The following ZCCHC7 variants were observed in gnomAD, a reference collection of about 807,000 sequenced individuals.
The protein encoded by ZCCHC7 is zinc finger CCHC-type containing 7, also known as zinc finger CCHC domain-containing protein 7.
A neutral mutation model predicts 52.0 loss-of-function variants in ZCCHC7; 35 were observed. The observed-to-expected ratio is 0.67, with a 90% confidence interval of 0.51 to 0.89. The LOEUF (loss-of-function observed/expected upper bound fraction) is 0.89, where lower values mean the gene tolerates loss of function less well. Among genes scored for constraint, ZCCHC7 ranks in the 40% least tolerant of loss-of-function variants. ZCCHC7 has a pLI of 0.00. For missense variants in ZCCHC7, 574 were observed against 649.1 expected (o/e 0.88, Z 1.26); for synonymous variants, 217 against 221.5 (o/e 0.98, Z 0.18).
intron 6 of ZCCHC7, among the ~76,000 whole-genome samples, chr9:37,328,240 A>C (rs1830327155): frequency 6.6e-6 from 1 of 152,020 alleles, no homozygotes; most frequent in Admixed American, 6.6e-5. Context: ...AGTTACTGAT[A>C]TTTTTCAATG....
At chr9:37,182,490 G>C (rs1822415925) in intron 2 of ZCCHC7, among the ~76,000 whole-genome samples, 1 of 151,758 alleles carries the variant, frequency 6.6e-6, no homozygotes, top group African/African-American at 2.4e-5. Context: ...TCAGCCTCTT[G>C]AGTAGCCAGG....
chr9:37,263,265 T>A (rs1342677828), intron 2 of ZCCHC7, among the ~76,000 whole-genome samples: 2 of 152,178 alleles, frequency 1.3e-5, no homozygotes, highest in East Asian at 3.8e-4. Flanking sequence ...TCTTACTTTC[T>A]TGTTGAAAGT....
At chr9:37,216,827 A>G (rs563643959) in intron 2 of ZCCHC7, among the ~76,000 whole-genome samples, 51 of 152,286 alleles carry the variant, frequency 3.3e-4, no homozygotes, top group Middle Eastern at 3.4e-3. Context: ...TGTAGTATGC[A>G]TTTGATTTTA....
chr9:37,165,253 G>A (rs572070605), intron 2 of ZCCHC7, among the ~76,000 whole-genome samples: 59 of 151,158 alleles, frequency 3.9e-4, no homozygotes, highest in African/African-American at 1.3e-3. Context: ...TTTTTAAGTT[G>A]TGGAACTTAT....
chr9:37,292,370 G>A (rs1828581213), intron 2 of ZCCHC7, among the ~76,000 whole-genome samples: 1 of 152,100 alleles, frequency 6.6e-6, no homozygotes, highest in African/African-American at 2.4e-5. Flanking sequence ...ACTGGTGGCT[G>A]GTAGGGTAGT....
chr9:37,350,603 C>G (rs987489904), intron 7 of ZCCHC7, among the ~76,000 whole-genome samples: 1 of 152,230 alleles, frequency 6.6e-6, no homozygotes, highest in Non-Finnish European at 1.5e-5. Context: ...CCAACATATT[C>G]CCTAACCCCA....
At chr9:37,186,895 C>T (rs1474702112) in intron 2 of ZCCHC7, 3 of 337,630 alleles carry the variant, frequency 8.9e-6, no homozygotes, top group Non-Finnish European at 1.7e-5. Context: ...GAAACAATCT[C>T]TTCTAATTTG....
intron 8 of ZCCHC7, among the ~76,000 whole-genome samples, chr9:37,355,792 G>A (rs1821664261): frequency 6.6e-6 from 1 of 152,200 alleles, no homozygotes; most frequent in Non-Finnish European, 1.5e-5. Context: ...CCACATTTAA[G>A]TGGACCCACG....
At position 37,126,508 on chromosome 9, in the gene ZCCHC7, CTG is replaced by C. The variant is rs1402484177; in HGVS notation, c.177_178del (p.Gly60GlufsTer7). 8.1e-6 allele frequency: 13 copies of C among 1,613,642 alleles called. No individual in the cohort carries two copies. Among genetic ancestry groups the C allele is most frequent in the African/African-American group, 2.7e-5 (2 of 74,896 alleles). The stretch of plus-strand genomic sequence containing the variant: ...GAGGAAGAGCATGAAGAAAAGAACT[CTG>C]GGAATTCGGAATCTTCGAGTAGTAA... On this transcript the variant is annotated frameshift_variant, in exon 2 of 9. Coordinates refer to ENST00000336755, the MANE Select transcript of ZCCHC7 (RefSeq NM_032226.3). LOFTEE classifies it high-confidence loss of function.
chr9:37,338,086 C>T (rs955881955), intron 6 of ZCCHC7, among the ~76,000 whole-genome samples: 1 of 152,150 alleles, frequency 6.6e-6, no homozygotes, highest in Non-Finnish European at 1.5e-5. Context: ...TTGGAGCATT[C>T]AGGAAGTGAA....
intron 2 of ZCCHC7, among the ~76,000 whole-genome samples, chr9:37,178,141 A>G (rs1822148001): frequency 6.6e-6 from 1 of 152,192 alleles, no homozygotes; most frequent in Admixed American, 6.5e-5. Context: ...CCTAGCCAGT[A>G]ATGGTGCCTT....
intron 2 of ZCCHC7, chr9:37,186,823 G>T (rs982345421): frequency 1.5e-5 from 6 of 398,782 alleles, no homozygotes; most frequent in African/African-American, 4.1e-5. Context: ...CTTTTTCAAA[G>T]AATTTGTTTC....
At chr9:37,140,786 CTG>C (rs1447509008) in intron 2 of ZCCHC7, among the ~76,000 whole-genome samples, 2 of 151,966 alleles carry the variant, frequency 1.3e-5, no homozygotes, top group African/African-American at 2.4e-5. Context: ...CAATTCAACT[CTG>C]TGATTGTGCC....
At chr9:37,249,510 C>T (rs1040984770) in intron 2 of ZCCHC7, among the ~76,000 whole-genome samples, 1 of 142,588 alleles carries the variant, frequency 7.0e-6, no homozygotes, top group African/African-American at 2.6e-5. Flanking sequence ...CTTGCCCTGT[C>T]GCCACGCTGG....
intron 2 of ZCCHC7, among the ~76,000 whole-genome samples, chr9:37,198,836 A>G (rs1823431249): frequency 6.6e-6 from 1 of 152,194 alleles, no homozygotes; most frequent in Non-Finnish European, 1.5e-5. Context: ...TAGGTGGTAG[A>G]GTGAAGGAAG....
At chr9:37,243,024 T>C (rs1825939095) in intron 2 of ZCCHC7, among the ~76,000 whole-genome samples, 1 of 151,824 alleles carries the variant, frequency 6.6e-6, no homozygotes, top group Admixed American at 6.6e-5. Context: ...TTATTTTTCT[T>C]CTTTTTTTAA....
chr9:37,206,461 C>G (rs1021762149), intron 2 of ZCCHC7, among the ~76,000 whole-genome samples: 12 of 152,038 alleles, frequency 7.9e-5, no homozygotes, highest in African/African-American at 2.9e-4. Flanking sequence ...AAGCAATCCT[C>G]CCACCTCAGC....
chr9:37,133,391 T>G (rs1842871513), intron 2 of ZCCHC7, among the ~76,000 whole-genome samples: 1 of 145,320 alleles, frequency 6.9e-6, no homozygotes, highest in Non-Finnish European at 1.5e-5. Flanking sequence ...TTTTTTTTTT[T>G]TGAGACACAG....
intron 5 of ZCCHC7, among the ~76,000 whole-genome samples, chr9:37,310,954 CTT>C (rs368811123): frequency 7.9e-6 from 1 of 126,624 alleles, no homozygotes; most frequent in Non-Finnish European, 1.6e-5. Flanking sequence ...AAGACTCTCT[CTT>C]TTTAAAAAAA....
Sources: allele counts gnomAD v4.1 joint callset (sites outside exome capture counted in the v4.1 genomes callset), GRCh38; gene constraint gnomAD v4.1.1; transcripts MANE v1.5; gene names NCBI Gene and HGNC (gene_info 2026-07-23, HGNC 2026-07-21).